ITGBL1: variants seen among roughly 807,000 people sequenced by gnomAD.
ITGBL1 encodes integrin beta-like protein 1.
ITGBL1 carries 51 observed loss-of-function variants against 68.5 expected under a neutral mutation model. That is an observed-to-expected ratio of 0.74 (90% CI 0.59 to 0.94). The LOEUF (loss-of-function observed/expected upper bound fraction) is 0.94, where lower values mean the gene tolerates loss of function less well. ITGBL1 is among the 40% of genes least tolerant of loss of function. The pLI is 0.00. For missense variants in ITGBL1, 649 were observed against 647.4 expected (o/e 1.00, Z -0.03); for synonymous variants, 209 against 227.3 (o/e 0.92, Z 0.72).
downstream of ITGBL1, chr13:101,719,946 G>A (rs188419036): frequency 1.3e-5 from 2 of 152,148 alleles, no homozygotes; most frequent in Admixed American, 1.3e-4. Context: ...TCTTTGGCAT[G>A]GTAAAGGGGG....
intron 2 of ITGBL1, among the ~76,000 whole-genome samples, chr13:101,530,645 A>G (rs1330505007): frequency 6.6e-6 from 1 of 152,172 alleles, no homozygotes; most frequent in East Asian, 1.9e-4. Flanking sequence ...ACATCCTGAT[A>G]TTTTATATAT....
intron 7 of ITGBL1, among the ~76,000 whole-genome samples, chr13:101,666,782 TTAA>T (rs1430469554): frequency 6.6e-6 from 1 of 152,306 alleles, no homozygotes; most frequent in Admixed American, 6.5e-5. Context: ...TTGTGGCACC[TTAA>T]TAATAAGAGC....
chr13:101,596,219 T>G (rs1566747942), intron 6 of ITGBL1, among the ~76,000 whole-genome samples: 1 of 152,122 alleles, frequency 6.6e-6, no homozygotes, highest in Non-Finnish European at 1.5e-5. Context: ...CTCACTCATA[T>G]GTGGAATCTA....
At position 101,518,936 on chromosome 13, in the gene ITGBL1, CTA is replaced by C. The variant is rs148265083; in HGVS notation, c.317-48761_317-48760del. Among the ~76,000 whole-genome samples the C allele has an allele frequency of 4.6e-3, 701 of 152,226 alleles. 7 individuals are homozygous for C. Among genetic ancestry groups the C allele is most frequent in the African/African-American group, 0.016 (662 of 41,518 alleles). ...CTAGTTACCACAGTTAGGACTTGCACTATGTTTTTAGCTATTATACTTAGACA... is the reference window on the plus strand; with the variant it reads ...CTAGTTACCACAGTTAGGACTTGCACTGTTTTTAGCTATTATACTTAGACA... On this transcript the variant is annotated intron_variant, in intron 2 of 10. Transcript: ENST00000376180.
At chr13:101,524,129 A>T (rs12876947) in intron 2 of ITGBL1, among the ~76,000 whole-genome samples, 14,779 of 145,172 alleles carry the variant, frequency 0.1, 1,255 homozygotes, top group African/African-American at 0.23. Flanking sequence ...TTTTTTTTTA[A>T]TTTTTTTTTT....
At chr13:101,654,109 A>G (rs2032847281) in intron 7 of ITGBL1, among the ~76,000 whole-genome samples, 2 of 152,086 alleles carry the variant, frequency 1.3e-5, no homozygotes, top group Admixed American at 1.3e-4. Context: ...AACAACAAAT[A>G]AAAAATGCCA....
intron 8 of ITGBL1, among the ~76,000 whole-genome samples, chr13:101,702,944 T>C (rs1409375969): frequency 1.3e-5 from 2 of 152,364 alleles, no homozygotes; most frequent in East Asian, 3.9e-4. Context: ...AACTTGGCTC[T>C]ACTCTACAGT....
intron 9 of ITGBL1, among the ~76,000 whole-genome samples, chr13:101,710,217 T>A (rs961110846): frequency 6.6e-6 from 1 of 152,198 alleles, no homozygotes; most frequent in Non-Finnish European, 1.5e-5. Flanking sequence ...AAAGGGAATA[T>A]GAAAGCTGCC....
At chr13:101,537,594 A>T (rs151314260) in intron 2 of ITGBL1, among the ~76,000 whole-genome samples, 121 of 152,164 alleles carry the variant, frequency 8.0e-4, no homozygotes, top group African/African-American at 2.7e-3. Context: ...AACTTCCTAG[A>T]TTCAAGGTTG....
intron 2 of ITGBL1, among the ~76,000 whole-genome samples, chr13:101,463,886 A>T (rs2048348461): frequency 1.3e-5 from 2 of 151,546 alleles, no homozygotes; most frequent in Non-Finnish European, 2.9e-5. Context: ...CTGAAGATTG[A>T]ATAGGAGTCA....
chr13:101,598,022 T>G, intron 6 of ITGBL1, 131 bp from the exon 7 acceptor site: 1 of 755,770 alleles, frequency 1.3e-6, no homozygotes, highest in Non-Finnish European at 2.0e-6. Context: ...AAATGTGCGT[T>G]TGCCTTAATA....
chr13:101,683,108 A>G (rs1263464377), intron 7 of ITGBL1, among the ~76,000 whole-genome samples: 1 of 152,122 alleles, frequency 6.6e-6, no homozygotes, highest in Non-Finnish European at 1.5e-5. Context: ...TATGAATCAT[A>G]TAAAGTAATC....
chr13:101,531,704 T>TTTATTTTC (rs200237774), intron 2 of ITGBL1, among the ~76,000 whole-genome samples: 1 of 52,980 alleles, frequency 1.9e-5, no homozygotes, highest in Non-Finnish European at 3.8e-5. Flanking sequence ...TATTTTGTTA[T>TTTATTTTC]TTATTTATTT....
intron 6 of ITGBL1, among the ~76,000 whole-genome samples, chr13:101,596,016 A>G (rs927193486): frequency 2.7e-5 from 4 of 147,458 alleles, no homozygotes; most frequent in African/African-American, 1.0e-4. Flanking sequence ...TTTGATATGC[A>G]TATGCATAAT....
At chr13:101,606,171 T>TA (rs1477719927) in intron 7 of ITGBL1, among the ~76,000 whole-genome samples, 68 of 60,342 alleles carry the variant, frequency 1.1e-3, no homozygotes, top group African/African-American at 5.2e-3. Context: ...TCTATTAGGA[T>TA]TTTTATATAT....
intron 2 of ITGBL1, among the ~76,000 whole-genome samples, chr13:101,538,313 C>G (rs2139177443): frequency 6.6e-6 from 1 of 150,764 alleles, no homozygotes; most frequent in Non-Finnish European, 1.5e-5. Flanking sequence ...GGTTGGGGGG[C>G]CGTGTAAAGA....
intron 7 of ITGBL1, among the ~76,000 whole-genome samples, chr13:101,635,887 T>C (rs182915713): frequency 1.3e-4 from 20 of 152,228 alleles, no homozygotes; most frequent in African/African-American, 4.8e-4. Context: ...AACTTAATTG[T>C]GGCATAATTC....
chr13:101,467,905 A>C (rs2048405511), intron 2 of ITGBL1, among the ~76,000 whole-genome samples: 1 of 152,058 alleles, frequency 6.6e-6, no homozygotes. Flanking sequence ...GAGGTCAATG[A>C]GTTTGGGCAT....
chr13:101,622,458 C>T (rs1462447015), intron 7 of ITGBL1, among the ~76,000 whole-genome samples: 1 of 152,148 alleles, frequency 6.6e-6, no homozygotes, highest in Non-Finnish European at 1.5e-5. Flanking sequence ...AATGCAACCT[C>T]ACATGTAGCT....
Sources: gnomAD v4.1 joint callset for allele counts (sites outside exome capture counted in the v4.1 genomes callset) on GRCh38, gnomAD v4.1.1 for gene constraint, MANE v1.5 for transcripts, NCBI Gene and HGNC (gene_info 2026-07-23, HGNC 2026-07-21) for gene names.